Variants in IMMP1L observed in about 807,000 individuals in gnomAD.
The protein encoded by IMMP1L is inner mitochondrial membrane peptidase subunit 1, also known as mitochondrial inner membrane protease subunit 1.
In IMMP1L, 24 loss-of-function variants were observed where a neutral mutation model predicts 21.8. The observed-to-expected ratio is 1.10, with a 90% CI of 0.80 to 1.55. The LOEUF (loss-of-function observed/expected upper bound fraction) is 1.55, where lower values mean the gene tolerates loss of function less well. IMMP1L is among the 40% of genes most tolerant of loss of function. The probability of loss-of-function intolerance (pLI) is 0.00; values close to 1 mark genes in which losing one functional copy is unlikely to be tolerated. For missense variants in IMMP1L, 195 were observed against 200.7 expected (o/e 0.97, Z 0.17); for synonymous variants, 46 against 62.8 (o/e 0.73, Z 1.26).
intron 1 of IMMP1L, among the ~76,000 whole-genome samples, chr11:31,487,747 A>T (rs1955131773): frequency 6.6e-6 from 1 of 152,204 alleles, no homozygotes; most frequent in African/African-American, 2.4e-5. Context: ...CACAATTTAC[A>T]AAATCCTCAA....
intron 1 of IMMP1L, chr11:31,473,664 T>C: frequency 1.5e-6 from 1 of 651,634 alleles, no homozygotes; most frequent in Non-Finnish European, 1.9e-6. Flanking sequence ...TAGAAATTTC[T>C]GGGCATAGGC....
At chr11:31,483,029 C>A (rs946733338) in intron 1 of IMMP1L, among the ~76,000 whole-genome samples, 1 of 151,874 alleles carries the variant, frequency 6.6e-6, no homozygotes, top group African/African-American at 2.4e-5. Flanking sequence ...TCTTAAGACA[C>A]TATGTTGAAC....
At chr11:31,470,966 A>G (rs1591996385) in intron 1 of IMMP1L, among the ~76,000 whole-genome samples, 1 of 152,204 alleles carries the variant, frequency 6.6e-6, no homozygotes, top group African/African-American at 2.4e-5. Context: ...TAGAGGCTGG[A>G]AAGTGTGAGG....
At chr11:31,507,601 A>G (rs1955814964) in intron 1 of IMMP1L, among the ~76,000 whole-genome samples, 1 of 152,232 alleles carries the variant, frequency 6.6e-6, no homozygotes, top group Non-Finnish European at 1.5e-5. Flanking sequence ...TCTTACTCAT[A>G]GGTGGAATCT....
chr11:31,498,462 C>T (rs182611002), intron 1 of IMMP1L, among the ~76,000 whole-genome samples: 14 of 152,210 alleles, frequency 9.2e-5, no homozygotes, highest in Admixed American at 7.8e-4. Context: ...TTATGAAACT[C>T]AAAATCTTTC....
chr11:31,445,770 G>A (rs1224343713), intron 4 of IMMP1L, among the ~76,000 whole-genome samples: 1 of 151,746 alleles, frequency 6.6e-6, no homozygotes, highest in Non-Finnish European at 1.5e-5. Flanking sequence ...TATTGCCCAG[G>A]CTGGAGTGCA....
At chr11:31,453,257 A>G (rs1315800452) in intron 4 of IMMP1L, among the ~76,000 whole-genome samples, 1 of 152,212 alleles carries the variant, frequency 6.6e-6, no homozygotes, top group Non-Finnish European at 1.5e-5. Flanking sequence ...TTTTCTGCCA[A>G]CCTACAAACA....
intron 1 of IMMP1L, among the ~76,000 whole-genome samples, chr11:31,476,449 A>G (rs535076511): frequency 3.9e-5 from 6 of 152,204 alleles, no homozygotes; most frequent in African/African-American, 1.4e-4. Context: ...AGAATAAAAG[A>G]TACTACACAT....
At chr11:31,437,237 C>G (rs1353276623) in intron 4 of IMMP1L, 9 of 382,712 alleles carry the variant, frequency 2.4e-5, no homozygotes, top group Non-Finnish European at 5.2e-6. Context: ...GGGAAGAGAC[C>G]CAAGTCTAAA....
At chr11:31,497,702 C>T (rs1053878482) in intron 1 of IMMP1L, among the ~76,000 whole-genome samples, 5 of 152,042 alleles carry the variant, frequency 3.3e-5, no homozygotes, top group African/African-American at 4.8e-5. Flanking sequence ...CCTCGTGATC[C>T]GCCTGCCAAA....
chr11:31,465,555 A>G (rs528344720), intron 1 of IMMP1L, among the ~76,000 whole-genome samples: 1 of 152,254 alleles, frequency 6.6e-6, no homozygotes, highest in Admixed American at 6.5e-5. Context: ...AATACACTAC[A>G]AAGCTATAGT....
intron 4 of IMMP1L, among the ~76,000 whole-genome samples, chr11:31,440,626 A>G (rs1268853399): frequency 2.0e-5 from 3 of 152,182 alleles, no homozygotes; most frequent in Non-Finnish European, 4.4e-5. Flanking sequence ...CCTGGCCTCA[A>G]GTGATCTGCC....
intron 1 of IMMP1L, among the ~76,000 whole-genome samples, chr11:31,470,659 A>G (rs766522581): frequency 4.7e-4 from 72 of 152,216 alleles, no homozygotes; most frequent in Non-Finnish European, 9.0e-4. Flanking sequence ...AGTATGTTGA[A>G]GAGATGTCTG....
chr11:31,467,146 C>A (rs1954384366), intron 1 of IMMP1L, among the ~76,000 whole-genome samples: 1 of 151,870 alleles, frequency 6.6e-6, no homozygotes, highest in Admixed American at 6.6e-5. Context: ...TAAAAGTGAG[C>A]AAATATTTAA....
chr11:31,469,754 A>G (rs1485602849), intron 1 of IMMP1L: 1 of 152,242 alleles, frequency 6.6e-6, no homozygotes, highest in Non-Finnish European at 1.5e-5. Flanking sequence ...AACAGGATAC[A>G]CACAAAACAC....
chr11:31,469,644 G>A (rs1591993693), intron 1 of IMMP1L: 1 of 152,096 alleles, frequency 6.6e-6, no homozygotes, highest in South Asian at 2.1e-4. Context: ...GAGGAACAGA[G>A]AATAGGACAG....
chr11:31,476,862 T>C (rs1165668871), intron 1 of IMMP1L, among the ~76,000 whole-genome samples: 2 of 152,110 alleles, frequency 1.3e-5, no homozygotes, highest in Non-Finnish European at 2.9e-5. Context: ...GCCAAAGTAC[T>C]TGATAAAGTT....
At chr11:31,451,702 T>C (rs900891771) in intron 4 of IMMP1L, among the ~76,000 whole-genome samples, 3 of 152,142 alleles carry the variant, frequency 2.0e-5, no homozygotes, top group African/African-American at 4.8e-5. Context: ...ACTCTGGAGT[T>C]CAGGGAAGAG....
At chr11:31,492,729 A>C (rs1955296808) in intron 1 of IMMP1L, among the ~76,000 whole-genome samples, 1 of 152,132 alleles carries the variant, frequency 6.6e-6, no homozygotes. Context: ...GTGAATAGGG[A>C]GTGAATAGGG....
Sources: gnomAD v4.1 joint callset for allele counts (sites outside exome capture counted in the v4.1 genomes callset) on GRCh38, gnomAD v4.1.1 for gene constraint, MANE v1.5 for transcripts, NCBI Gene and HGNC (gene_info 2026-07-23, HGNC 2026-07-21) for gene names.